The following GRIN1 variants were observed in gnomAD, a reference collection of about 807,000 sequenced individuals.
GRIN1 encodes glutamate receptor ionotropic, NMDA 1.
GRIN1 carries 38 observed loss-of-function variants against 103.0 expected under a neutral mutation model. The observed-to-expected ratio is 0.37, with a 90% CI of 0.28 to 0.48. The LOEUF (loss-of-function observed/expected upper bound fraction) is 0.48, where lower values mean the gene tolerates loss of function less well. GRIN1 is among the 20% of genes least tolerant of loss of function. The pLI, the probability that GRIN1 is intolerant of heterozygous loss-of-function variation, is 0.98. For synonymous variants in GRIN1, 544 were observed against 532.7 expected (o/e 1.02, Z -0.29); for missense variants, 577 against 1,288.9 (o/e 0.45, Z 8.46).
rs1162502830 is a variant in GRIN1, at chr9:137,156,710, T to C, written c.713T>C (p.Leu238Pro). ...AATVYRAAAM[L>P]NMTGSGYVWL... ...ACTGTATACCGCGCAGCCGCGATGC[T>C]GAACATGACGGGCTCCGGGTACGTG... The change falls in exon 5 of 20, where the codon CTG becomes CCG. Residue 238 changes from leucine (L) to proline (P), a missense_variant. Around this residue, in one of 9 missense-constraint regions of GRIN1, gnomAD observed 308 missense variants for 553.6 expected, o/e 0.56. Transcript: ENST00000371561. 6.3e-7 allele frequency: 1 copy of C among 1,595,532 alleles called. No individual in the cohort carries two copies. Among genetic ancestry groups the C allele is most frequent in the Non-Finnish European group, 8.5e-7 (1 of 1,172,104 alleles).
chr9:137,144,888 T>C (rs28625189), intron 2 of GRIN1, among the ~76,000 whole-genome samples: 3 of 7,914 alleles, frequency 3.8e-4, no homozygotes, highest in African/African-American at 9.9e-4. Context: ...TCCCAGAGTC[T>C]AGAAAGTGTC....
At chr9:137,161,564 G>T (rs907745561) in intron 10 of GRIN1, 148 bp downstream of exon 10, 5 of 676,778 alleles carry the variant, frequency 7.4e-6, no homozygotes, top group South Asian at 1.7e-5. Context: ...TGCGGGCTGG[G>T]TCCTGGCGTG....
chr9:137,148,042 G>A (rs976247619), intron 3 of GRIN1: 50 of 623,354 alleles, frequency 8.0e-5, no homozygotes, highest in Non-Finnish European at 1.1e-4. Flanking sequence ...GTAGGAGCCC[G>A]TCTGCAGACG....
At chr9:137,164,023 G>C (rs763164516) in intron 18 of GRIN1, 119 bp downstream of exon 18, 1 of 1,240,296 alleles carries the variant, frequency 8.1e-7, no homozygotes, top group South Asian at 1.2e-5. Flanking sequence ...GGAGCTAGGA[G>C]CCATGGCCAG....
At chr9:137,152,157 C>T (rs938732140) in intron 4 of GRIN1, among the ~76,000 whole-genome samples, 6 of 152,142 alleles carry the variant, frequency 3.9e-5, no homozygotes, top group Non-Finnish European at 7.4e-5. Flanking sequence ...CTGCCCGCCT[C>T]GGCCTCCCAA....
At chr9:137,166,269 G>C (rs1368859564) in intron 19 of GRIN1, among the ~76,000 whole-genome samples, 1 of 152,206 alleles carries the variant, frequency 6.6e-6, no homozygotes, top group East Asian at 1.9e-4. Context: ...GGGGCAGCTT[G>C]TCCCTGTAGC....
Position 137,163,631 on chromosome 9 carries a change from C to A in GRIN1, c.2406C>A (p.Ser802Arg). ...WVRYQECDSR[S>R]NAPATLTFEN... ...GGTATCAGGAATGTGACTCGCGCAG[C>A]AACGCCCCTGCGACCCTTACTTTTG... is the stretch of plus-strand genomic sequence containing the variant. The change falls in exon 17 of 20, where the codon AGC becomes AGA. Residue 802 changes from serine to arginine, a missense_variant. Physicochemically the swap from Ser to Arg is moderately radical, Grantham distance 110. Coordinates refer to ENST00000371561, the MANE Select transcript of GRIN1 (RefSeq NM_007327.4). 6.2e-7 allele frequency: 1 copy of A among 1,613,564 alleles called. No individual in the cohort carries two copies. The highest frequency in any genetic ancestry group is 8.5e-7 in the Non-Finnish European group (1 of 1,179,774).
In GRIN1 at chr9:137,163,150, A is replaced by ACTCCGCCTCTGC; in HGVS notation, c.2172-17_2172-6dup. ...GGCTGGCAGGACCAAGGCCCCCGTG[A>ACTCCGCCTCTGC]CTCCGCCTCTGCCGGCAGCAAGCTG... On this transcript the variant is annotated intron_variant, in intron 15 of 19. Transcript: ENST00000371561. 6.2e-7 allele frequency: 1 copy of ACTCCGCCTCTGC among 1,611,526 alleles called. No homozygotes were observed. Among genetic ancestry groups the ACTCCGCCTCTGC allele is most frequent in the East Asian group, 2.2e-5 (1 of 44,846 alleles).
intron 2 of GRIN1, among the ~76,000 whole-genome samples, chr9:137,143,554 C>T (rs1006979698): frequency 1.3e-5 from 2 of 152,194 alleles, no homozygotes; most frequent in Non-Finnish European, 2.9e-5. Context: ...GCCCCTGGCC[C>T]AGAGCAGGCC....
intron 4 of GRIN1, among the ~76,000 whole-genome samples, chr9:137,151,630 C>T (rs1832921562): frequency 6.6e-6 from 1 of 152,192 alleles, no homozygotes; most frequent in African/African-American, 2.4e-5. Context: ...AAAAGCCCCT[C>T]TTAGAGAAAG....
At chr9:137,147,939 G>C (rs1475026321) in intron 3 of GRIN1, among the ~76,000 whole-genome samples, 1 of 152,112 alleles carries the variant, frequency 6.6e-6, no homozygotes, top group Non-Finnish European at 1.5e-5. Flanking sequence ...CTTCGTGGCA[G>C]GGAGCCTCCA....
rs1832514208 is a variant in GRIN1 at position 137,146,073 on chromosome 9, T to C, written c.570+171T>C. Reference sequence around the variant, plus strand: ...TGTCCTCGGCTCATTTCACTCGCTTTTGCCATTAGTCGAAATCTCCTTCGT... The same window carrying C: ...TGTCCTCGGCTCATTTCACTCGCTTCTGCCATTAGTCGAAATCTCCTTCGT... On this transcript the variant is annotated intron_variant, in intron 3 of 19. Coordinates refer to ENST00000371561, the MANE Select transcript of GRIN1 (RefSeq NM_007327.4). This position sits in a 1 kb window ranked among gnomAD's most constrained non-coding sequence, Gnocchi z 6.7. Among the ~76,000 whole-genome samples, 1 of 152,162 alleles carries C rather than the reference T, an allele frequency of 6.6e-6. No homozygotes were observed. Among genetic ancestry groups the C allele is most frequent in the African/African-American group, 2.4e-5 (1 of 41,422 alleles).
intron 8 of GRIN1, among the ~76,000 whole-genome samples, chr9:137,159,814 G>A (rs1441435731): frequency 6.6e-6 from 1 of 152,218 alleles, no homozygotes; most frequent in East Asian, 1.9e-4. Context: ...TGGAGGCTGA[G>A]GGTGGGCGGG....
At position 137,149,166 on chromosome 9, in the gene GRIN1, C is replaced by T. The variant is rs1832705269; in HGVS notation, c.671+57C>T. ...ACAGGATGGTACCTGAGCCAAGTAC[C>T]CGCCATCTGAGCCAGAGCTGGGACA... is the stretch of plus-strand genomic sequence containing the variant. On this transcript the variant is annotated intron_variant, in intron 4 of 19. Coordinates refer to ENST00000371561, the MANE Select transcript of GRIN1 (RefSeq NM_007327.4). 6.8e-6 allele frequency: 8 copies of T among 1,172,444 alleles called. No individual in the cohort carries two copies. The South Asian group carries it at 1.0e-4, about 15-fold the overall frequency. 72.6% of individuals were successfully genotyped at this position (1,172,444 alleles called of 1,614,324 possible). A position where few individuals can be genotyped will look rare whatever the true frequency, so the allele number is the denominator to read the frequency against.
intron 4 of GRIN1, among the ~76,000 whole-genome samples, chr9:137,154,131 TTG>T (rs1833081311): frequency 1.4e-5 from 2 of 146,566 alleles, no homozygotes. Flanking sequence ...TCTTTTTTTT[TTG>T]TGTGTGTGTG....
chr9:137,141,769 C>A (rs1197555344), intron 1 of GRIN1, among the ~76,000 whole-genome samples: 4 of 152,190 alleles, frequency 2.6e-5, no homozygotes, highest in Admixed American at 6.5e-5. Context: ...GGCCCTTGAG[C>A]ACAACACCTG....
chr9:137,166,510 A>G (rs1319682173), intron 19 of GRIN1, among the ~76,000 whole-genome samples: 2 of 152,208 alleles, frequency 1.3e-5, no homozygotes, highest in Non-Finnish European at 2.9e-5. Context: ...ATTTGCAGCC[A>G]CCTGCCCCTC....
chr9:137,147,082 C>A (rs546275147), intron 3 of GRIN1, among the ~76,000 whole-genome samples: 49 of 151,128 alleles, frequency 3.2e-4, no homozygotes, highest in African/African-American at 1.1e-3. Flanking sequence ...CAGCGCTCGA[C>A]AGGCCCCTCA....
intron 16 of GRIN1, 70 bp from the exon 17 acceptor site, chr9:137,163,489 C>A: frequency 1.5e-6 from 2 of 1,327,454 alleles, no homozygotes; most frequent in Non-Finnish European, 2.2e-6. Context: ...CCGCCCCGGC[C>A]CCGCCCCCAG....
Sources: allele counts gnomAD v4.1 joint callset (sites outside exome capture counted in the v4.1 genomes callset), GRCh38; gene constraint gnomAD v4.1.1; regional missense constraint gnomAD v4.1.1; non-coding constraint Gnocchi (gnomAD v3.1); transcripts MANE v1.5; gene names NCBI Gene and HGNC (gene_info 2026-07-23, HGNC 2026-07-21).